FGFR1OP2: variants seen among roughly 807,000 people sequenced by gnomAD.
The protein encoded by FGFR1OP2 is fibroblast growth factor receptor 1 oncogene partner 2.
FGFR1OP2 carries 17 observed loss-of-function variants against 35.2 expected under a neutral mutation model. The ratio of observed to expected loss-of-function variants is 0.48; its 90% CI spans 0.33 to 0.73. The LOEUF is 0.73. Ranked by LOEUF, FGFR1OP2 falls within the 30% of genes least tolerant of loss-of-function variation. The pLI, the probability that FGFR1OP2 is intolerant of heterozygous loss-of-function variation, is 0.02. For missense variants in FGFR1OP2, 251 were observed against 307.3 expected (o/e 0.82, Z 1.37); for synonymous variants, 105 against 104.6 (o/e 1.00, Z -0.03).
chr12:26,953,810 G>C (rs1014726076), intron 1 of FGFR1OP2: 2 of 157,196 alleles, frequency 1.3e-5, no homozygotes, highest in African/African-American at 4.8e-5. Context: ...GATAGGGAAT[G>C]CCCTCATAAA....
At chr12:26,950,213 G>GTTGTTTTTTTTTTT (rs1938898866) in intron 1 of FGFR1OP2, among the ~76,000 whole-genome samples, 2 of 50,942 alleles carry the variant, frequency 3.9e-5, no homozygotes, top group African/African-American at 1.6e-4. Context: ...TGTATTCGTT[G>GTTGTTTTTTTTTTT]TTTTTTTTTT....
rs1565853789 is a variant in FGFR1OP2, at chr12:26,966,111, T to A, written c.*1378T>A. On this transcript the variant is annotated 3_prime_UTR_variant, in exon 7 of 7. Coordinates refer to ENST00000229395, the MANE Select transcript of FGFR1OP2 (RefSeq NM_015633.3). ...TAAAATTCAAAACTACACTTGAGAA[T>A]TTTTTTATCTTAAGTTTGGGGTGAA... 6.6e-6 allele frequency: 1 copy of A among 152,064 alleles called. No homozygotes were observed. The highest frequency in any genetic ancestry group is 1.5e-5 in the Non-Finnish European group (1 of 67,956). The allele number at this position is 152,064 out of a possible 1,614,324, so 9.4% of individuals were successfully genotyped here.
chr12:26,944,411 C>G (rs569451087), intron 1 of FGFR1OP2, among the ~76,000 whole-genome samples: 1 of 152,212 alleles, frequency 6.6e-6, no homozygotes, highest in Admixed American at 6.5e-5. Flanking sequence ...TGAAAATGCC[C>G]TTTCTCAGTT....
chr12:26,942,898 T>C (rs1470981157), intron 1 of FGFR1OP2, among the ~76,000 whole-genome samples: 1 of 152,208 alleles, frequency 6.6e-6, no homozygotes, highest in Non-Finnish European at 1.5e-5. Context: ...AGCTTGTCTT[T>C]TCAAACTCTC....
At chr12:26,954,367 G>A (rs1330043485) in intron 2 of FGFR1OP2, 74 bp downstream of exon 2, 1 of 1,469,844 alleles carries the variant, frequency 6.8e-7, no homozygotes, top group Non-Finnish European at 9.1e-7. Context: ...TGGCTAATTA[G>A]TATCTAATTT....
chr12:26,954,374 AT>A, intron 2 of FGFR1OP2, 81 bp downstream of exon 2: 6 of 1,449,710 alleles, frequency 4.1e-6, no homozygotes, highest in Non-Finnish European at 2.8e-6. Flanking sequence ...TTAGTATCTA[AT>A]TTTTTTCAAC....
chr12:26,957,758 A>C lies in FGFR1OP2; in HGVS notation c.396+15A>C. ...AGCACTCCAAGGTAATCCATTCTAT[A>C]AATGTGACCTGAAATGGAAAAGAGA... is the stretch of plus-strand genomic sequence containing the variant. On this transcript the variant is annotated intron_variant, in intron 4 of 6. Coordinates refer to ENST00000229395, the MANE Select transcript of FGFR1OP2 (RefSeq NM_015633.3). The C allele has an allele frequency of 6.3e-7, 1 of 1,581,902 alleles. No individual in the cohort carries two copies. The highest frequency in any genetic ancestry group is 2.3e-5 in the East Asian group (1 of 43,956).
intron 4 of FGFR1OP2, among the ~76,000 whole-genome samples, chr12:26,958,784 T>C (rs533679077): frequency 6.6e-6 from 1 of 152,320 alleles, no homozygotes; most frequent in Non-Finnish European, 1.5e-5. Context: ...AATAATCCTT[T>C]CTCACATATT....
At chr12:26,963,085 A>G (rs1939126037) in intron 5 of FGFR1OP2, 2 of 284,144 alleles carry the variant, frequency 7.0e-6, no homozygotes, top group Non-Finnish European at 1.3e-5. Context: ...GGTGAGAGGA[A>G]TGTAAAATAT....
chr12:26,956,061 T>G (rs1007959337), intron 2 of FGFR1OP2, among the ~76,000 whole-genome samples: 19 of 152,232 alleles, frequency 1.2e-4, no homozygotes, highest in African/African-American at 4.3e-4. Context: ...TCGTTAGCAT[T>G]AGTGTATTTT....
chr12:26,944,802 T>C (rs1209719565), intron 1 of FGFR1OP2, among the ~76,000 whole-genome samples: 1 of 152,204 alleles, frequency 6.6e-6, no homozygotes, highest in African/African-American at 2.4e-5. Flanking sequence ...CTTCTTTAAA[T>C]GTGTGATAGA....
At chr12:26,951,874 T>A (rs1045976661) in intron 1 of FGFR1OP2, among the ~76,000 whole-genome samples, 3 of 152,208 alleles carry the variant, frequency 2.0e-5, no homozygotes, top group Non-Finnish European at 4.4e-5. Flanking sequence ...GTCCCAACAA[T>A]ATCATTTACA....
At chr12:26,952,066 T>A (rs1938937740) in intron 1 of FGFR1OP2, among the ~76,000 whole-genome samples, 1 of 151,658 alleles carries the variant, frequency 6.6e-6, no homozygotes, top group Non-Finnish European at 1.5e-5. Context: ...TCATTTTTCT[T>A]AGTACAAGTC....
intron 1 of FGFR1OP2, among the ~76,000 whole-genome samples, chr12:26,945,800 G>T (rs1938810671): frequency 6.6e-6 from 1 of 151,126 alleles, no homozygotes; most frequent in African/African-American, 2.4e-5. Context: ...GGCAGAGGTT[G>T]CAGTGAGCCG....
chr12:26,952,087 C>CTT (rs34270981), intron 1 of FGFR1OP2, among the ~76,000 whole-genome samples: 1 of 117,218 alleles, frequency 8.5e-6, no homozygotes, highest in African/African-American at 3.3e-5. Context: ...AGTGCCCGTC[C>CTT]TTTTTTTTTT....
chr12:26,961,871 G>A (rs1248037419), intron 5 of FGFR1OP2: 3 of 152,222 alleles, frequency 2.0e-5, no homozygotes, highest in African/African-American at 7.2e-5. Flanking sequence ...GTTTGCAGCT[G>A]CAATGATCTG....
chr12:26,953,074 A>C (rs1237060400), intron 1 of FGFR1OP2, among the ~76,000 whole-genome samples: 2 of 151,996 alleles, frequency 1.3e-5, no homozygotes, highest in East Asian at 3.9e-4. Context: ...CATCCTGGCT[A>C]ACACAGTGAA....
chr12:26,949,248 G>A (rs569503554), intron 1 of FGFR1OP2, among the ~76,000 whole-genome samples: 4 of 152,150 alleles, frequency 2.6e-5, no homozygotes, highest in Admixed American at 2.6e-4. Flanking sequence ...CGATTCTCCT[G>A]TCTTGGCCTC....
chr12:26,939,036 T>G (rs1223827106), intron 1 of FGFR1OP2, among the ~76,000 whole-genome samples: 4 of 152,198 alleles, frequency 2.6e-5, no homozygotes, highest in Admixed American at 1.3e-4. Context: ...ACCCTTTCAG[T>G]CACCTGTTTG....
Sources: allele counts gnomAD v4.1 joint callset (sites outside exome capture counted in the v4.1 genomes callset), GRCh38; gene constraint gnomAD v4.1.1; transcripts MANE v1.5; gene names NCBI Gene and HGNC (gene_info 2026-07-23, HGNC 2026-07-21).